Variants in NVL observed in about 807,000 individuals in gnomAD.
The protein encoded by NVL is nuclear VCP like.
A neutral mutation model predicts 110.2 loss-of-function variants in NVL; 84 were observed. The ratio of observed to expected loss-of-function variants is 0.76; its 90% confidence interval spans 0.64 to 0.91. The LOEUF is 0.91. Ranked by LOEUF, NVL falls within the 40% of genes least tolerant of loss-of-function variation. The pLI, the probability that NVL is intolerant of heterozygous loss-of-function variation, is 0.00. For synonymous variants in NVL, 354 were observed against 361.1 expected (o/e 0.98, Z 0.22); for missense variants, 882 against 1,035.9 (o/e 0.85, Z 2.04).
At chr1:224,268,263 T>C (rs1558280173) in intron 17 of NVL, 130 bp from the exon 18 acceptor site, 4 of 656,936 alleles carry the variant, frequency 6.1e-6, no homozygotes, top group African/African-American at 1.8e-5. Context: ...GGCGTCACTA[T>C]ATGCAGACAC....
At chr1:224,288,650 AT>A (rs1667091339) in intron 13 of NVL, among the ~76,000 whole-genome samples, 1 of 152,192 alleles carries the variant, frequency 6.6e-6, no homozygotes, top group South Asian at 2.1e-4. Flanking sequence ...AGAACAAAAG[AT>A]CTGGATTGAA....
At chr1:224,242,354 A>G (rs1041781288) in intron 19 of NVL, among the ~76,000 whole-genome samples, 2 of 152,126 alleles carry the variant, frequency 1.3e-5, no homozygotes, top group Admixed American at 6.6e-5. Context: ...GTTATGGCTC[A>G]TTTACACTGA....
Position 224,308,245 on chromosome 1 carries a change from T to C in NVL, c.361A>G (p.Ser121Gly), listed in dbSNP as rs1572027339. Residue 121 changes from serine (S) to glycine (G), a missense_variant, in exon 6 of 23, where the codon AGT (serine) becomes GGT (glycine). By Grantham distance (56) the Ser-to-Gly change is moderately conservative. Transcript: ENST00000281701. ...TTCCGATATAAAGACAGCAGGGAACTGTTCATGTGATTTGCTGACTGGCAG... is the reference window on the plus strand; with the variant it reads ...TTCCGATATAAAGACAGCAGGGAACCGTTCATGTGATTTGCTGACTGGCAG... ...PDPQSANHMN[S>G]SLLSLYRKGN... 6.2e-7 allele frequency: 1 copy of C among 1,600,780 alleles called. No individual in the cohort carries two copies. Among genetic ancestry groups the C allele is most frequent in the Non-Finnish European group, 8.5e-7 (1 of 1,175,958 alleles).
chr1:224,255,182 G>GT (rs34120278), intron 18 of NVL, among the ~76,000 whole-genome samples: 79,527 of 96,696 alleles, frequency 0.82, 34,006 homozygotes, highest in South Asian at 0.91. Flanking sequence ...AATGGTGTAG[G>GT]TTTTTTTTTT....
chr1:224,307,439 C>T lies in NVL; in HGVS notation c.615+552G>A, dbSNP rs555292814. Among the ~76,000 whole-genome samples the T allele has an allele frequency of 7.9e-5, 12 of 152,298 alleles. No homozygotes were observed. The South Asian group carries it at 1.4e-3, about 18-fold the overall frequency. On this transcript the variant is annotated intron_variant, in intron 6 of 22. Transcript: ENST00000281701. ...AAGAATGATAATATGTGGTGGCTCACGCCTACAATCCCAGAACTTTGGGAG... is the reference window on the plus strand; with the variant it reads ...AAGAATGATAATATGTGGTGGCTCATGCCTACAATCCCAGAACTTTGGGAG...
intron 1 of NVL, among the ~76,000 whole-genome samples, chr1:224,329,355 AG>A (rs1202123692): frequency 1.4e-5 from 2 of 146,562 alleles, no homozygotes; most frequent in African/African-American, 2.5e-5. Flanking sequence ...AAGAGGAGGA[AG>A]GGGAGGTAAG....
intron 5 of NVL, among the ~76,000 whole-genome samples, chr1:224,308,707 A>AG (rs1669195029): frequency 6.7e-6 from 1 of 149,094 alleles, no homozygotes; most frequent in Non-Finnish European, 1.5e-5. Context: ...AAAAAAAAAA[A>AG]GAAAAGAATA....
In NVL at chr1:224,287,802, A is replaced by G; in HGVS notation, c.1767T>C (p.Ile589=). The G allele has an allele frequency of 1.2e-6, 2 of 1,614,084 alleles. No homozygotes were observed. Among genetic ancestry groups the G allele is most frequent in the South Asian group, 2.2e-5 (2 of 91,088 alleles). The change falls in exon 14 of 23, where the codon ATT becomes ATC. Residue 589 remains isoleucine (I), a synonymous_variant. Coordinates refer to ENST00000281701, the MANE Select transcript of NVL (RefSeq NM_002533.4). The part of the protein sequence containing the change: ...TWADIGALED[I]REELTMAILA... Reference sequence around the variant, plus strand: ...ATATTGCCATGGTGAGCTCCTCTCTAATGTCTTCCAGGGCACCAATATCTG... The same window carrying G: ...ATATTGCCATGGTGAGCTCCTCTCTGATGTCTTCCAGGGCACCAATATCTG...
intron 4 of NVL, among the ~76,000 whole-genome samples, chr1:224,316,001 C>A (rs1301792815): frequency 6.6e-6 from 1 of 152,002 alleles, no homozygotes; most frequent in African/African-American, 2.4e-5. Context: ...ACAAGACCAG[C>A]CTGACAACAT....
chr1:224,306,439 T>C (rs1668924669), intron 6 of NVL, among the ~76,000 whole-genome samples: 1 of 152,162 alleles, frequency 6.6e-6, no homozygotes, highest in Non-Finnish European at 1.5e-5. Context: ...GCTAACTTTT[T>C]GTATTTTTAG....
chr1:224,259,589 A>G (rs886306144), intron 18 of NVL, among the ~76,000 whole-genome samples: 2 of 152,200 alleles, frequency 1.3e-5, no homozygotes, highest in Admixed American at 6.5e-5. Flanking sequence ...ACAAGATCAG[A>G]CAACCTTCAT....
Position 224,294,326 on chromosome 1 carries a change from A to C in NVL, c.1266T>G (p.Arg422=). ...ATATTTCTCGGTCGAACCTTCCCGC[A>C]CGTCTCAAAGCAGGGTCTAACGAGT... The part of the protein sequence containing the change: ...RPDSLDPALR[R]AGRFDREICL... The change falls in exon 12 of 23, where the codon CGT becomes CGG. Residue 422 remains arginine (R), a synonymous_variant. Coordinates refer to ENST00000281701, the MANE Select transcript of NVL (RefSeq NM_002533.4). 6.2e-7 allele frequency: 1 copy of C among 1,614,126 alleles called. No homozygotes were observed. Among genetic ancestry groups the C allele is most frequent in the Non-Finnish European group, 8.5e-7 (1 of 1,180,034 alleles).
chr1:224,246,282 G>A (rs147682047), intron 19 of NVL, among the ~76,000 whole-genome samples: 3,543 of 152,200 alleles, frequency 0.023, 43 homozygotes, highest in Middle Eastern at 0.044. Context: ...CACCTGCCTC[G>A]GCCTCCCAAA....
intron 6 of NVL, 112 bp downstream of exon 6, chr1:224,307,879 T>C: frequency 1.0e-6 from 1 of 967,696 alleles, no homozygotes; most frequent in Non-Finnish European, 1.5e-6. Context: ...TCCATATATT[T>C]TAAAGTTCCT....
At chr1:224,281,219 C>CCAA in intron 15 of NVL, 34 bp from the exon 16 acceptor site, 1 of 1,524,098 alleles carries the variant, frequency 6.6e-7, no homozygotes, top group Non-Finnish European at 9.1e-7. Context: ...ACAAATAAGA[C>CCAA]CAATACACAG....
Position 224,281,284 on chromosome 1 carries a change from CGTGTGTGTGTGTGT to C in NVL, c.1900-113_1900-100del, listed in dbSNP as rs34156240. 9.4e-5 allele frequency: 52 copies of C among 553,230 alleles called. 1 individual carries two copies. In the South Asian group the frequency reaches 9.9e-4, roughly 11 times the overall value. 34.3% of individuals were successfully genotyped at this position (553,230 alleles called of 1,614,324 possible). A position where few individuals can be genotyped will look rare whatever the true frequency, so the allele number is the denominator to read the frequency against. On this transcript the variant is annotated intron_variant, in intron 15 of 22. Coordinates refer to ENST00000281701, the MANE Select transcript of NVL (RefSeq NM_002533.4). ...TGTGACAATGAAAGGACTCTGTGTGCGTGTGTGTGTGTGTGTGTGTGTGTGTGTGAGATTTAGAT... is the reference window on the plus strand; with the variant it reads ...TGTGACAATGAAAGGACTCTGTGTGCGTGTGTGTGTGTGTGAGATTTAGAT...
chr1:224,285,367 G>A (rs751056489), intron 15 of NVL, among the ~76,000 whole-genome samples: 3 of 152,084 alleles, frequency 2.0e-5, no homozygotes, highest in Non-Finnish European at 4.4e-5. Context: ...CTCGGGAGGC[G>A]GAAGTTGCAG....
intron 7 of NVL, 94 bp downstream of exon 7, chr1:224,304,940 C>T: frequency 6.5e-7 from 1 of 1,537,542 alleles, no homozygotes; most frequent in South Asian, 1.2e-5. Flanking sequence ...CATTTCTGCA[C>T]ATAGAAGGTC....
In NVL at chr1:224,317,713, G is replaced by T; in HGVS notation, c.265C>A (p.Gln89Lys). 1 of 1,601,614 alleles carries T rather than the reference G, an allele frequency of 6.2e-7. No homozygotes were observed. Among genetic ancestry groups the T allele is most frequent in the Non-Finnish European group, 8.6e-7 (1 of 1,169,172 alleles). Residue 89 changes from glutamine to lysine, a missense_variant, in exon 4 of 23, where the codon CAA becomes AAA. By Grantham distance (53) the Gln-to-Lys change is moderately conservative (BLOSUM62 1). Transcript: ENST00000281701. ...EDEHLAKRAR[Q>K]GEEDNEYTES... ...ACTTACTCATTATCCTCTTCACCTT[G>T]TCTTGCCCTTTTTGCCAAATGTTCA...
Sources: allele counts gnomAD v4.1 joint callset (sites outside exome capture counted in the v4.1 genomes callset), GRCh38; gene constraint gnomAD v4.1.1; transcripts MANE v1.5; gene names NCBI Gene and HGNC (gene_info 2026-07-23, HGNC 2026-07-21).